TNS3: variants seen among roughly 807,000 people sequenced by gnomAD.
TNS3 encodes tensin-3.
TNS3 carries 45 observed loss-of-function variants against 140.9 expected under a neutral mutation model. The observed-to-expected ratio is 0.32, with a 90% CI of 0.25 to 0.41. The LOEUF is 0.41. TNS3 is among the 10% of genes least tolerant of loss of function. The pLI, the probability that TNS3 is intolerant of heterozygous loss-of-function variation, is 1.00. For missense variants in TNS3, 1,716 were observed against 1,906.7 expected, an observed-to-expected ratio of 0.90 and a Z score of 1.86; for synonymous variants, 815 against 788.4, an observed-to-expected ratio of 1.03 and a Z score of -0.56.
chr7:47,477,397 C>T (rs1018164788), intron 4 of TNS3, among the ~76,000 whole-genome samples: 1 of 152,134 alleles, frequency 6.6e-6, no homozygotes, highest in Non-Finnish European at 1.5e-5. Flanking sequence ...GCCAGGTAAA[C>T]TCCAGGTGTG....
chr7:47,498,750 A>ACATGGTCCCGTCAGC (rs1181858574), intron 3 of TNS3, among the ~76,000 whole-genome samples: 1 of 152,244 alleles, frequency 6.6e-6, no homozygotes, highest in African/African-American at 2.4e-5. Flanking sequence ...CAGACAGCCA[A>ACATGGTCCCGTCAGC]CATGGTCCCG....
chr7:47,411,861 A>G (rs1793791624), intron 12 of TNS3, 59 bp from the exon 13 acceptor site: 1 of 1,536,634 alleles, frequency 6.5e-7, no homozygotes. Context: ...TGGGAAGAAT[A>G]CATGTAGAGA....
intron 20 of TNS3, among the ~76,000 whole-genome samples, chr7:47,325,019 GA>G (rs1787952309): frequency 6.6e-6 from 1 of 151,944 alleles, no homozygotes; most frequent in African/African-American, 2.4e-5. Context: ...GGACCACTGG[GA>G]AAACTATCAA....
intron 4 of TNS3, among the ~76,000 whole-genome samples, chr7:47,472,965 T>A (rs879838386): frequency 1.3e-5 from 2 of 152,164 alleles, no homozygotes. Context: ...CTTACAGTGC[T>A]GGCCCCACCC....
At chr7:47,410,397 C>T (rs1434138247) in intron 13 of TNS3, among the ~76,000 whole-genome samples, 1 of 152,228 alleles carries the variant, frequency 6.6e-6, no homozygotes, top group Non-Finnish European at 1.5e-5. Context: ...AGTGCTTACT[C>T]AATGCCTTGA....
At chr7:47,393,212 G>A (rs966116330) in intron 16 of TNS3, among the ~76,000 whole-genome samples, 46 of 152,170 alleles carry the variant, frequency 3.0e-4, no homozygotes, top group African/African-American at 8.2e-4. Flanking sequence ...GTAAGATGGC[G>A]GTAATTATTC....
At chr7:47,573,670 C>T (rs1203814066) in intron 1 of TNS3, among the ~76,000 whole-genome samples, 1 of 152,206 alleles carries the variant, frequency 6.6e-6, no homozygotes, top group Non-Finnish European at 1.5e-5. Flanking sequence ...CACCAGTTGA[C>T]TCCAGATAGA....
At chr7:47,491,174 T>G (rs1275084539) in intron 3 of TNS3, among the ~76,000 whole-genome samples, 1 of 152,194 alleles carries the variant, frequency 6.6e-6, no homozygotes, top group Non-Finnish European at 1.5e-5. Flanking sequence ...TACGCTGCGA[T>G]TCACCAAAAA....
rs558551943 is a variant in TNS3, at chr7:47,303,073, C to G, written c.3334G>C (p.Gly1112Arg). 1.9e-6 allele frequency: 3 copies of G among 1,614,062 alleles called. No individual in the cohort carries two copies. Among genetic ancestry groups the G allele is most frequent in the Non-Finnish European group, 2.5e-6 (3 of 1,180,032 alleles). The stretch of plus-strand genomic sequence containing the variant: ...CCACTGGAGGAGGGAGAGACTGAGC[C>G]CAAAGAACGATCCCCCTCCGAGGCC... ...KRASEGDRSL[G>R]SVSPSSSGFS... The change falls in exon 22 of 31, where the codon GGC becomes CGC. Residue 1112 changes from glycine to arginine, a missense_variant. Around this residue, in one of 3 missense-constraint regions of TNS3, gnomAD observed 1,163 missense variants for 1,182.1 expected, o/e 0.98. Coordinates refer to ENST00000311160, the MANE Select transcript of TNS3 (RefSeq NM_022748.12).
At chr7:47,394,492 A>T (rs1792712436) in intron 16 of TNS3, among the ~76,000 whole-genome samples, 1 of 152,216 alleles carries the variant, frequency 6.6e-6, no homozygotes, top group Non-Finnish European at 1.5e-5. Flanking sequence ...TGTTTAAGAC[A>T]CCCAGGTTAT....
chr7:47,368,350 G>A lies in TNS3; in HGVS notation c.2281+15C>T, dbSNP rs1290461182. 2.0e-6 allele frequency: 3 copies of A among 1,471,424 alleles called. No individual in the cohort carries two copies. The highest frequency in any genetic ancestry group is 2.7e-6 in the Non-Finnish European group (3 of 1,112,266). The allele number at this position is 1,471,424 out of a possible 1,614,324, so 91.1% of individuals were successfully genotyped here. Reference sequence around the variant, plus strand: ...GCACCTCCCGTGGAGCACCTCCCATGGAGACCCAGCTCACCTTGCCGCCCG... The same window carrying A: ...GCACCTCCCGTGGAGCACCTCCCATAGAGACCCAGCTCACCTTGCCGCCCG... On this transcript the variant is annotated intron_variant, in intron 17 of 30. Transcript: ENST00000311160.
chr7:47,337,008 C>T (rs1788670899), intron 20 of TNS3, among the ~76,000 whole-genome samples: 1 of 152,062 alleles, frequency 6.6e-6, no homozygotes, highest in South Asian at 2.1e-4. Flanking sequence ...TTTTCATCCC[C>T]CACACTTGAT....
chr7:47,323,387 T>C (rs1012068238), intron 20 of TNS3, among the ~76,000 whole-genome samples: 1 of 152,126 alleles, frequency 6.6e-6, no homozygotes, highest in Admixed American at 6.5e-5. Flanking sequence ...CATTCAGGAA[T>C]GAAGGAAAAA....
At chr7:47,558,388 C>T (rs1800252104) in intron 1 of TNS3, among the ~76,000 whole-genome samples, 1 of 152,190 alleles carries the variant, frequency 6.6e-6, no homozygotes. Context: ...TAACTTGACA[C>T]TTGGCAGAGG....
rs535727882 is a variant in TNS3 at position 47,321,992 on chromosome 7, C to A, written c.2651-16989G>T. ...TGATGAACATTCACTGAGGACTTCC[C>A]GACCCTCCCAGCTGTCCTGGAAGGA... is the stretch of plus-strand genomic sequence containing the variant. On this transcript the variant is annotated intron_variant, in intron 20 of 30. Coordinates refer to ENST00000311160, the MANE Select transcript of TNS3 (RefSeq NM_022748.12). Among the ~76,000 whole-genome samples the A allele has an allele frequency of 6.6e-5, 10 of 152,022 alleles. 1 individual carries two copies. The highest frequency in any genetic ancestry group is 1.5e-4 in the Non-Finnish European group (10 of 68,014).
intron 3 of TNS3, among the ~76,000 whole-genome samples, chr7:47,492,795 G>A (rs963501239): frequency 2.0e-5 from 3 of 152,224 alleles, no homozygotes; most frequent in African/African-American, 7.2e-5. Context: ...GAGCAGGCAA[G>A]CAGGTGTTTG....
At chr7:47,567,321 A>G (rs77083070) in intron 1 of TNS3, among the ~76,000 whole-genome samples, 130 of 152,320 alleles carry the variant, frequency 8.5e-4, no homozygotes, top group Non-Finnish European at 1.7e-3. Flanking sequence ...ACAAAAGTCA[A>G]TTGCATTTCT....
intron 20 of TNS3, among the ~76,000 whole-genome samples, chr7:47,324,122 T>A (rs927925887): frequency 5.9e-5 from 9 of 152,232 alleles, no homozygotes; most frequent in African/African-American, 1.9e-4. Context: ...GCCTGTTTTG[T>A]CTGGCACCAA....
At chr7:47,557,158 T>C (rs1323218890) in intron 1 of TNS3, 14 of 456,654 alleles carry the variant, frequency 3.1e-5, no homozygotes, top group Admixed American at 1.9e-4. Flanking sequence ...GTCCTGCAAA[T>C]GTCCAGGGTC....
Sources: gnomAD v4.1 joint callset for allele counts (sites outside exome capture counted in the v4.1 genomes callset) on GRCh38, gnomAD v4.1.1 for gene constraint, gnomAD v4.1.1 regional missense constraint, MANE v1.5 for transcripts, NCBI Gene and HGNC (gene_info 2026-07-23, HGNC 2026-07-21) for gene names.